Variants in FSHR observed in about 807,000 individuals in gnomAD.
FSHR encodes follicle-stimulating hormone receptor.
A neutral mutation model predicts 52.1 loss-of-function variants in FSHR; 46 were observed. That is an observed-to-expected ratio of 0.88 (90% CI 0.70 to 1.13). The LOEUF (loss-of-function observed/expected upper bound fraction) is 1.13, where lower values mean the gene tolerates loss of function less well. Ranked by LOEUF, FSHR falls within the 50% of genes most tolerant of loss-of-function variation. The pLI is 0.00. For missense variants in FSHR, 964 were observed against 834.6 expected (o/e 1.16, Z -1.91); for synonymous variants, 399 against 309.6 (o/e 1.29, Z -3.03).
chr2:48,962,275 C>A lies in FSHR; in HGVS notation c.*458G>T. ...GTTGAATGAATGAATGAATGAATACCATGGTGCTTCTCTGGGAAATTCTCT... is the reference window on the plus strand; with the variant it reads ...GTTGAATGAATGAATGAATGAATACAATGGTGCTTCTCTGGGAAATTCTCT... On this transcript the variant is annotated 3_prime_UTR_variant, in exon 10 of 10. Transcript: ENST00000406846. 1 of 211,428 alleles carries A rather than the reference C, an allele frequency of 4.7e-6. No homozygotes were observed. The allele number at this position is 211,428 out of a possible 1,614,324, so 13.1% of individuals were successfully genotyped here.
chr2:49,000,945 A>T (rs1666856707), intron 4 of FSHR, among the ~76,000 whole-genome samples: 1 of 152,280 alleles, frequency 6.6e-6, no homozygotes, highest in Admixed American at 6.5e-5. Context: ...TTTTCTTCTA[A>T]GAAAAAAAGA....
At chr2:48,986,711 C>G (rs550796260) in intron 6 of FSHR, among the ~76,000 whole-genome samples, 1 of 152,148 alleles carries the variant, frequency 6.6e-6, no homozygotes, top group Non-Finnish European at 1.5e-5. Flanking sequence ...CAGACAGGAT[C>G]TATATGTTTC....
At chr2:49,069,888 G>T (rs922867409) in intron 1 of FSHR, among the ~76,000 whole-genome samples, 1 of 152,122 alleles carries the variant, frequency 6.6e-6, no homozygotes, top group African/African-American at 2.4e-5. Flanking sequence ...CATGGACTTG[G>T]ATAGTTTCAT....
chr2:49,050,131 C>T (rs949653845), intron 2 of FSHR, among the ~76,000 whole-genome samples: 2 of 152,080 alleles, frequency 1.3e-5, no homozygotes, highest in Non-Finnish European at 2.9e-5. Context: ...TAGGAAATGA[C>T]ATAAGGATTT....
At chr2:49,154,222 C>G (rs1055418949) in intron 1 of FSHR, 44 bp downstream of exon 1, 1 of 1,600,544 alleles carries the variant, frequency 6.2e-7, no homozygotes, top group Non-Finnish European at 8.6e-7. Flanking sequence ...ACGCAATGCA[C>G]AAATGCCAGC....
chr2:49,144,831 A>G (rs1672812553), intron 1 of FSHR, among the ~76,000 whole-genome samples: 1 of 152,044 alleles, frequency 6.6e-6, no homozygotes, highest in Non-Finnish European at 1.5e-5. Flanking sequence ...ATTCTTTTGC[A>G]TTTAATTTGT....
chr2:49,068,139 A>G (rs1020553862), intron 2 of FSHR, 80 bp downstream of exon 2: 12 of 1,046,122 alleles, frequency 1.1e-5, no homozygotes, highest in East Asian at 2.4e-5. Context: ...CTAAGTGCAG[A>G]TAGTCATACT....
At chr2:49,055,736 G>C (rs1158048230) in intron 2 of FSHR, among the ~76,000 whole-genome samples, 1 of 151,908 alleles carries the variant, frequency 6.6e-6, no homozygotes, top group African/African-American at 2.4e-5. Flanking sequence ...TTACAGGCCA[G>C]GGGAGAATAG....
intron 1 of FSHR, among the ~76,000 whole-genome samples, chr2:49,093,061 A>G (rs567812909): frequency 3.9e-5 from 6 of 152,228 alleles, no homozygotes; most frequent in African/African-American, 9.6e-5. Context: ...ATTGCCTTCA[A>G]TCTTGCTAAT....
At chr2:49,016,708 G>A (rs1667502566) in intron 4 of FSHR, among the ~76,000 whole-genome samples, 1 of 152,166 alleles carries the variant, frequency 6.6e-6, no homozygotes, top group African/African-American at 2.4e-5. Context: ...GTTGCTTTAA[G>A]CCTCTATCTT....
intron 4 of FSHR, among the ~76,000 whole-genome samples, chr2:48,996,825 T>C (rs755746855): frequency 9.9e-4 from 151 of 152,250 alleles, no homozygotes; most frequent in Non-Finnish European, 1.8e-3. Context: ...GGATTGCAAA[T>C]ACATTTTAGC....
At chr2:49,098,189 G>A (rs1435401681) in intron 1 of FSHR, among the ~76,000 whole-genome samples, 2 of 152,106 alleles carry the variant, frequency 1.3e-5, no homozygotes, top group Admixed American at 6.6e-5. Context: ...GTAATTGGGT[G>A]TACTTTTTTT....
intron 2 of FSHR, among the ~76,000 whole-genome samples, chr2:49,061,298 A>G (rs1404214443): frequency 1.3e-5 from 2 of 152,060 alleles, no homozygotes; most frequent in African/African-American, 2.4e-5. Context: ...TATGCTGCTG[A>G]TATGAAGCAC....
chr2:49,150,741 C>T (rs1673032590), intron 1 of FSHR, among the ~76,000 whole-genome samples: 1 of 152,064 alleles, frequency 6.6e-6, no homozygotes, highest in African/African-American at 2.4e-5. Context: ...TTAGTACTTT[C>T]TCCATGGTGC....
chr2:49,075,941 A>G (rs1014931259), intron 1 of FSHR, among the ~76,000 whole-genome samples: 1 of 152,194 alleles, frequency 6.6e-6, no homozygotes, highest in African/African-American at 2.4e-5. Context: ...CAGCTAGACT[A>G]ACAGTAGATT....
At chr2:49,094,949 G>A (rs1181937969) in intron 1 of FSHR, among the ~76,000 whole-genome samples, 1 of 151,644 alleles carries the variant, frequency 6.6e-6, no homozygotes, top group African/African-American at 2.4e-5. Flanking sequence ...CTAAAATCAG[G>A]AATAAAAGAT....
intron 2 of FSHR, among the ~76,000 whole-genome samples, chr2:49,048,857 G>C (rs972574640): frequency 2.0e-5 from 3 of 152,118 alleles, no homozygotes; most frequent in Non-Finnish European, 4.4e-5. Context: ...GTAAGATTCA[G>C]GTAATTTATT....
At chr2:49,114,087 G>C (rs1572761890) in intron 1 of FSHR, among the ~76,000 whole-genome samples, 1 of 152,100 alleles carries the variant, frequency 6.6e-6, no homozygotes, top group East Asian at 1.9e-4. Context: ...TCTCACTGAA[G>C]ACTTGCTTCC....
At chr2:49,088,501 A>G (rs1210001594) in intron 1 of FSHR, among the ~76,000 whole-genome samples, 1 of 152,184 alleles carries the variant, frequency 6.6e-6, no homozygotes, top group East Asian at 1.9e-4. Flanking sequence ...TAATTCAGTG[A>G]TGCCCTTACT....
Sources: gnomAD v4.1 joint callset for allele counts (sites outside exome capture counted in the v4.1 genomes callset) on GRCh38, gnomAD v4.1.1 for gene constraint, MANE v1.5 for transcripts, NCBI Gene and HGNC (gene_info 2026-07-23, HGNC 2026-07-21) for gene names.